The following CFAP100 variants were observed in gnomAD, a reference collection of about 807,000 sequenced individuals.
The protein encoded by CFAP100 is cilia and flagella associated protein 100, also known as cilia- and flagella-associated protein 100.
In CFAP100, 70 loss-of-function variants were observed where a neutral mutation model predicts 81.5. The ratio of observed to expected loss-of-function variants is 0.86; its 90% CI spans 0.71 to 1.05. The LOEUF (loss-of-function observed/expected upper bound fraction) is 1.05, where lower values mean the gene tolerates loss of function less well. CFAP100 is among the 50% of genes least tolerant of loss of function. CFAP100 has a pLI of 0.00. For missense variants in CFAP100, 811 were observed against 776.5 expected, an observed-to-expected ratio of 1.04 and a Z score of -0.53; for synonymous variants, 341 against 314.8, an observed-to-expected ratio of 1.08 and a Z score of -0.88.
At chr3:126,420,394 C>G (rs749106302) in intron 11 of CFAP100, among the ~76,000 whole-genome samples, 165 bp downstream of exon 11, 57 of 152,370 alleles carry the variant, frequency 3.7e-4, no homozygotes, top group South Asian at 1.0e-3. Context: ...GGCCAGGAGG[C>G]AGAGGGAGTA....
chr3:126,428,309 A>G (rs1186090435), intron 13 of CFAP100, among the ~76,000 whole-genome samples: 1 of 152,248 alleles, frequency 6.6e-6, no homozygotes, highest in East Asian at 1.9e-4. Context: ...TGGAGAAGGC[A>G]TAACTGTAGG....
intron 2 of CFAP100, among the ~76,000 whole-genome samples, chr3:126,397,699 G>C (rs2082910154): frequency 6.6e-6 from 1 of 152,242 alleles, no homozygotes. Context: ...AGGGAGGTTG[G>C]CATGGGCAAG....
intron 15 of CFAP100, among the ~76,000 whole-genome samples, chr3:126,434,873 G>C (rs1041035678): frequency 2.0e-5 from 3 of 152,198 alleles, no homozygotes; most frequent in African/African-American, 7.2e-5. Flanking sequence ...ACAAAGTGCA[G>C]AGGCTCAGAG....
intron 4 of CFAP100, chr3:126,414,451 C>T (rs1576629059): frequency 1.6e-6 from 1 of 616,952 alleles, no homozygotes; most frequent in East Asian, 2.7e-5. Context: ...CAGCCTCAGC[C>T]ACCTCGCCGC....
intron 5 of CFAP100, among the ~76,000 whole-genome samples, chr3:126,417,630 T>C (rs2083263800): frequency 6.6e-6 from 1 of 152,186 alleles, no homozygotes; most frequent in Admixed American, 6.5e-5. Flanking sequence ...GGCAAGTGAC[T>C]GGGGAGGCGG....
At chr3:126,419,885 A>C in intron 9 of CFAP100, 67 bp downstream of exon 9, 6 of 1,610,932 alleles carry the variant, frequency 3.7e-6, no homozygotes, top group Non-Finnish European at 5.1e-6. Context: ...CCCTGAGCCC[A>C]GCTGGCAGGT....
chr3:126,430,482 T>G (rs1026355222), intron 13 of CFAP100, among the ~76,000 whole-genome samples: 1 of 152,210 alleles, frequency 6.6e-6, no homozygotes, highest in African/African-American at 2.4e-5. Flanking sequence ...AATATGTACA[T>G]TATGTATCAA....
At chr3:126,411,150 G>A (rs1318928388) in intron 3 of CFAP100, among the ~76,000 whole-genome samples, 2 of 152,122 alleles carry the variant, frequency 1.3e-5, no homozygotes, top group Non-Finnish European at 2.9e-5. Flanking sequence ...ATGATCATAT[G>A]GTTTTTGTTT....
chr3:126,415,312 C>T (rs2083218021), intron 4 of CFAP100, among the ~76,000 whole-genome samples: 3 of 150,940 alleles, frequency 2.0e-5, no homozygotes, highest in African/African-American at 7.3e-5. Flanking sequence ...CAACAGGGTC[C>T]CCCACTCAAA....
At chr3:126,395,813 G>A in intron 1 of CFAP100, 129 bp from the exon 2 acceptor site, 1 of 599,382 alleles carries the variant, frequency 1.7e-6, no homozygotes, top group South Asian at 2.0e-5. Context: ...TCGGGTGGGA[G>A]AGGCAGGGAG....
intron 2 of CFAP100, among the ~76,000 whole-genome samples, chr3:126,401,443 A>ATATATATG (rs57952794): frequency 8.5e-6 from 1 of 117,886 alleles, no homozygotes; most frequent in Non-Finnish European, 1.7e-5. Context: ...ATATATATAT[A>ATATATATG]GTATTATGTT....
chr3:126,408,928 A>T (rs2083112832), intron 3 of CFAP100, among the ~76,000 whole-genome samples: 1 of 152,080 alleles, frequency 6.6e-6, no homozygotes, highest in South Asian at 2.1e-4. Context: ...AGCTGGGACA[A>T]CAGGTGCGCA....
At chr3:126,415,298 C>G (rs551421655) in intron 4 of CFAP100, among the ~76,000 whole-genome samples, 146 of 151,666 alleles carry the variant, frequency 9.6e-4, no homozygotes, top group African/African-American at 3.2e-3. Flanking sequence ...TACCCTCCCC[C>G]ACCCAACAGG....
intron 2 of CFAP100, among the ~76,000 whole-genome samples, chr3:126,403,388 T>C (rs571115485): frequency 6.7e-6 from 1 of 149,372 alleles, no homozygotes; most frequent in East Asian, 1.9e-4. Flanking sequence ...TTTATCTTTT[T>C]TTTTTTTTTT....
intron 5 of CFAP100, 63 bp downstream of exon 5, chr3:126,416,571 G>C: frequency 7.3e-7 from 1 of 1,378,310 alleles, no homozygotes; most frequent in South Asian, 1.4e-5. Flanking sequence ...AGCTCAGGGG[G>C]CGCGCCTGGA....
At chr3:126,433,375 G>A in intron 14 of CFAP100, 171 bp downstream of exon 14, 1 of 705,300 alleles carries the variant, frequency 1.4e-6, no homozygotes, top group East Asian at 2.7e-5. Context: ...ATTGATGCCT[G>A]TGCCAGCCAG....
At position 126,419,980 on chromosome 3, in the gene CFAP100, G is replaced by T. The variant is rs778917672; in HGVS notation, c.914G>T (p.Gly305Val). The T allele has an allele frequency of 3.1e-6, 5 of 1,613,088 alleles. No individual in the cohort carries two copies. The East Asian group carries it at 1.1e-4, about 36-fold the overall frequency. Residue 305 changes from glycine to valine, a missense_variant and splice_region_variant, in exon 10 of 17, where the codon GGA (glycine) becomes GTA (valine). By Grantham distance (109) the Gly-to-Val change is moderately radical. Coordinates refer to ENST00000352312, the MANE Select transcript of CFAP100 (RefSeq NM_182628.3). ...SSVNSTPGDK[G>V]PGIKGKASSM... ...GGGGCCCCCCCTTTGCTTCCTGCAG[G>T]ACCAGGGATCAAGGGCAAGGCGAGC...
chr3:126,412,961 TC>T (rs2107598785), intron 3 of CFAP100, among the ~76,000 whole-genome samples: 1 of 152,352 alleles, frequency 6.6e-6, no homozygotes, highest in East Asian at 1.9e-4. Context: ...TTGCTAGCTA[TC>T]CATTTGCTTT....
chr3:126,405,760 A>C (rs2107590044), intron 2 of CFAP100, among the ~76,000 whole-genome samples: 1 of 152,292 alleles, frequency 6.6e-6, no homozygotes, highest in South Asian at 2.1e-4. Flanking sequence ...GTTGTTTGAA[A>C]TATGTGCTAT....
Sources: gnomAD v4.1 joint callset for allele counts (sites outside exome capture counted in the v4.1 genomes callset) on GRCh38, gnomAD v4.1.1 for gene constraint, MANE v1.5 for transcripts, NCBI Gene and HGNC (gene_info 2026-07-23, HGNC 2026-07-21) for gene names.